PRKCG: variants seen among roughly 807,000 people sequenced by gnomAD.
PRKCG encodes the protein protein kinase C gamma type.
PRKCG carries 28 observed loss-of-function variants against 82.0 expected under a neutral mutation model. That is an observed-to-expected ratio of 0.34 (90% CI 0.25 to 0.47). The LOEUF is 0.47. Among genes scored for constraint, PRKCG ranks in the 20% least tolerant of loss-of-function variants. The pLI, the probability that PRKCG is intolerant of heterozygous loss-of-function variation, is 1.00. For missense variants in PRKCG, 640 were observed against 952.7 expected, an observed-to-expected ratio of 0.67 and a Z score of 4.32; for synonymous variants, 383 against 376.6, an observed-to-expected ratio of 1.02 and a Z score of -0.20.
rs2068596878 is a variant in PRKCG at position 53,882,243 on chromosome 19, T to A, written c.-252T>A. 1.8e-6 allele frequency: 1 copy of A among 543,816 alleles called. No homozygotes were observed. The allele number at this position is 543,816 out of a possible 1,614,324, so 33.7% of individuals were successfully genotyped here. ...CTGGAGCTCCCACCGCCGCCGCCCG[T>A]GCCTCCGGCTGCCGGCGCCCCTGCC... On this transcript the variant is annotated 5_prime_UTR_variant, in exon 1 of 18. Transcript: ENST00000263431. The surrounding 1 kb of genome is among the most constrained non-coding windows in gnomAD (Gnocchi z 6.1).
At chr19:53,899,344 CA>C (rs1568759630) in intron 11 of PRKCG, among the ~76,000 whole-genome samples, 13 of 152,144 alleles carry the variant, frequency 8.5e-5, no homozygotes, top group Non-Finnish European at 1.5e-4. Context: ...AGCAAAGGGG[CA>C]CAGTGGAGGA....
At chr19:53,890,655 C>A (rs574336251) in intron 5 of PRKCG, among the ~76,000 whole-genome samples, 10 of 151,726 alleles carry the variant, frequency 6.6e-5, no homozygotes, top group African/African-American at 2.4e-4. Flanking sequence ...AATCTTGGCT[C>A]ACTGCAATCT....
Position 53,884,051 on chromosome 19 carries a change from G to A in PRKCG, c.203-110G>A, listed in dbSNP as rs974758368. The A allele has an allele frequency of 3.8e-6, 4 of 1,051,578 alleles. No individual in the cohort carries two copies. In the African/African-American group the frequency reaches 6.3e-5, roughly 16 times the overall value. 65.1% of individuals were successfully genotyped at this position (1,051,578 alleles called of 1,614,324 possible). A position where few individuals can be genotyped will look rare whatever the true frequency, so the allele number is the denominator to read the frequency against. ...CTGTGTTGAGATCCCTCTCTTTCTG[G>A]TTTTCTCAGTGTCCGAGTTCCGCTC... On this transcript the variant is annotated intron_variant, in intron 2 of 17. Transcript: ENST00000263431. The surrounding 1 kb of genome is among the most constrained non-coding windows in gnomAD (Gnocchi z 4.6).
chr19:53,905,575 C>G (rs114053832), intron 16 of PRKCG, among the ~76,000 whole-genome samples: 280 of 151,628 alleles, frequency 1.8e-3, no homozygotes, highest in African/African-American at 6.5e-3. Context: ...TTTCTGCCTT[C>G]TTACCTGGGG....
Position 53,884,239 on chromosome 19 carries a change from C to T in PRKCG, c.281C>T (p.Thr94Met), listed in dbSNP as rs2068615169. ...ECPGAGKGPQ[T>M]DDPRNKHKFR... ...CCAGGCGCTGGGAAGGGCCCCCAGA[C>T]GGACGTGAGTGCTCGGACACCTGGT... The change falls in exon 3 of 18, where the codon ACG becomes ATG. Residue 94 changes from threonine (T) to methionine (M), a missense_variant. Thr to Met is a moderately conservative substitution (Grantham distance 81). Transcript: ENST00000263431. The surrounding 1 kb of genome is among the most constrained non-coding windows in gnomAD (Gnocchi z 4.6). 2 of 1,613,784 alleles carry T rather than the reference C, an allele frequency of 1.2e-6. No homozygotes were observed. The highest frequency in any genetic ancestry group is 1.3e-5 in the African/African-American group (1 of 74,926).
At chr19:53,897,339 G>GCC (rs2068724972) in intron 9 of PRKCG, among the ~76,000 whole-genome samples, 1 of 152,152 alleles carries the variant, frequency 6.6e-6, no homozygotes, top group Non-Finnish European at 1.5e-5. Flanking sequence ...TTAGTCTTGG[G>GCC]CCCCCTCCCT....
intron 6 of PRKCG, 119 bp downstream of exon 6, chr19:53,891,949 A>AGAAGAAGATGGTGGGAAAAG: frequency 7.7e-7 from 1 of 1,305,984 alleles, no homozygotes; most frequent in Non-Finnish European, 1.1e-6. Context: ...AGAAAAGGGC[A>AGAAGAAGATGGTGGGAAAAG]GAAGAAGATG....
In PRKCG at chr19:53,892,438, G is replaced by A. The variant is rs1370491246; in HGVS notation, c.687-71G>A. 4 of 1,568,356 alleles carry A rather than the reference G, an allele frequency of 2.6e-6. No individual in the cohort carries two copies. The Admixed American group carries it at 7.3e-5, about 29-fold the overall frequency. ...CTGGCTGGGTTTGCCCCCACCTCCA[G>A]CACCAAGGATGGGGAACCGAGGGGA... On this transcript the variant is annotated intron_variant, in intron 6 of 17. Coordinates refer to ENST00000263431, the MANE Select transcript of PRKCG (RefSeq NM_002739.5). This position sits in a 1 kb window ranked among gnomAD's most constrained non-coding sequence, Gnocchi z 5.9.
chr19:53,899,691 A>G (rs1353515038), intron 11 of PRKCG, among the ~76,000 whole-genome samples: 4 of 151,944 alleles, frequency 2.6e-5, no homozygotes, highest in Non-Finnish European at 4.4e-5. Flanking sequence ...GGTTTAAGCA[A>G]TTCTCCCGTC....
chr19:53,898,661 G>C, intron 11 of PRKCG, 33 bp downstream of exon 11: 1 of 1,545,532 alleles, frequency 6.5e-7, no homozygotes, highest in Non-Finnish European at 8.7e-7. Context: ...CTGTCCTCCG[G>C]GCCCTGCCTT....
At chr19:53,906,124 T>TTCTTCTTCTTCTTCTTCTTC (rs1568764147) in intron 16 of PRKCG, among the ~76,000 whole-genome samples, 193 bp from the exon 17 acceptor site, 3 of 70,638 alleles carry the variant, frequency 4.2e-5, no homozygotes, top group African/African-American at 3.4e-4. Flanking sequence ...TCTTCTTTTC[T>TTCTTCTTCTTCTTCTTCTTC]TCTCTCTCTC....
At chr19:53,902,709 A>G (rs1009625713) in intron 14 of PRKCG, among the ~76,000 whole-genome samples, 1 of 151,896 alleles carries the variant, frequency 6.6e-6, no homozygotes, top group Non-Finnish European at 1.5e-5. Context: ...AGCCTGGGCA[A>G]CATAGTGAGG....
intron 16 of PRKCG, among the ~76,000 whole-genome samples, 173 bp downstream of exon 16, chr19:53,904,915 C>T (rs1304469111): frequency 1.3e-5 from 2 of 152,152 alleles, no homozygotes; most frequent in African/African-American, 4.8e-5. Context: ...GCCCTGTTGC[C>T]ACGAGGCCTG....
chr19:53,896,681 A>G (rs1173592421), intron 9 of PRKCG, among the ~76,000 whole-genome samples: 1 of 152,144 alleles, frequency 6.6e-6, no homozygotes, highest in African/African-American at 2.4e-5. Flanking sequence ...CGGCCTCCCA[A>G]AGTGCTGGGA....
In PRKCG at chr19:53,889,189, G is replaced by A. The variant is rs1278652979; in HGVS notation, c.286-449G>A. 6.6e-6 allele frequency among the ~76,000 whole-genome samples: 1 copy of A among 152,000 alleles called. No homozygotes were observed. ...CCTGGTCCGGAACTCCTGAGCTCAA[G>A]GCAATCCGCCCACCTCGGCCTCCCA... On this transcript the variant is annotated intron_variant, in intron 3 of 17. Transcript: ENST00000263431. This position sits in a 1 kb window ranked among gnomAD's most constrained non-coding sequence, Gnocchi z 4.4.
intron 9 of PRKCG, among the ~76,000 whole-genome samples, chr19:53,893,659 C>T (rs1404750659): frequency 1.3e-5 from 2 of 152,010 alleles, no homozygotes; most frequent in South Asian, 2.1e-4. Context: ...AGAGGCCTAA[C>T]GGAGGCACTA....
At position 53,900,550 on chromosome 19, in the gene PRKCG, C is replaced by T; in HGVS notation, c.1437-61C>T. ...GAAGGGAAGGGATTTGAATATGTGG[C>T]TCTAGACTGCTGAACTCAACACTTC... On this transcript the variant is annotated intron_variant, in intron 13 of 17. Transcript: ENST00000263431. This position sits in a 1 kb window ranked among gnomAD's most constrained non-coding sequence, Gnocchi z 4.2. 1 of 1,614,164 alleles carries T rather than the reference C, an allele frequency of 6.2e-7. No homozygotes were observed. Among genetic ancestry groups the T allele is most frequent in the Admixed American group, 1.7e-5 (1 of 60,022 alleles).
chr19:53,888,151 G>A (rs1409599303), intron 3 of PRKCG, among the ~76,000 whole-genome samples: 2 of 152,188 alleles, frequency 1.3e-5, no homozygotes, highest in African/African-American at 4.8e-5. Context: ...CTTATTTAGT[G>A]CGGCAGGAAC....
chr19:53,906,115 CTTCTTTTCT>C (rs1568764121), intron 16 of PRKCG, among the ~76,000 whole-genome samples, 193 bp from the exon 17 acceptor site: 9 of 86,284 alleles, frequency 1.0e-4, no homozygotes, highest in African/African-American at 9.8e-4. Context: ...TCTTCTTCTT[CTTCTTTTCT>C]TCTCTCTCTC....
Sources: allele counts gnomAD v4.1 joint callset (sites outside exome capture counted in the v4.1 genomes callset), GRCh38; gene constraint gnomAD v4.1.1; non-coding constraint Gnocchi (gnomAD v3.1); transcripts MANE v1.5; gene names NCBI Gene and HGNC (gene_info 2026-07-23, HGNC 2026-07-21).